The following DNAH2 variants were observed in gnomAD, a reference collection of about 807,000 sequenced individuals.
DNAH2 encodes the protein dynein axonemal heavy chain 2.
Under a neutral mutation model 523.5 loss-of-function variants are expected in DNAH2, and 323 were observed. The observed-to-expected ratio is 0.62, with a 90% CI of 0.56 to 0.68. DNAH2 has a LOEUF of 0.68. Among genes scored for constraint, DNAH2 ranks in the 30% least tolerant of loss-of-function variants. DNAH2 has a pLI of 0.00. For synonymous variants in DNAH2, 2,093 were observed against 2,177.4 expected (o/e 0.96, Z 1.08); for missense variants, 4,907 against 5,701.5 (o/e 0.86, Z 4.49).
chr17:7,829,613 G>A (rs949117243), intron 77 of DNAH2, among the ~76,000 whole-genome samples: 2 of 152,048 alleles, frequency 1.3e-5, no homozygotes, highest in South Asian at 2.1e-4. Context: ...ACCTTTGCAC[G>A]CAATTCCGTA....
intron 63 of DNAH2, among the ~76,000 whole-genome samples, chr17:7,810,049 CTTTT>C (rs1419120697): frequency 1.4e-5 from 2 of 147,310 alleles, no homozygotes; most frequent in East Asian, 2.0e-4. Flanking sequence ...TTTCTTCTTT[CTTTT>C]CTTTCTTTTT....
rs184985647 is a variant in DNAH2 at position 7,741,020 on chromosome 17, G to A, written c.1689+28G>A. 486 of 1,576,816 alleles carry A rather than the reference G, an allele frequency of 3.1e-4. No homozygotes were observed. In the Middle Eastern group the frequency reaches 3.3e-3, roughly 11 times the overall value. On this transcript the variant is annotated intron_variant, in intron 11 of 85. Coordinates refer to ENST00000572933, the MANE Select transcript of DNAH2 (RefSeq NM_020877.5). ...AAGTGCCTGGCCTTCTCCATATTCTGTCGTCAGTGAGACCGCCAGGAGGGA... is the reference window on the plus strand; with the variant it reads ...AAGTGCCTGGCCTTCTCCATATTCTATCGTCAGTGAGACCGCCAGGAGGGA...
chr17:7,824,496 C>T, intron 76 of DNAH2, 41 bp from the exon 77 acceptor site: 1 of 1,489,030 alleles, frequency 6.7e-7, no homozygotes, highest in Non-Finnish European at 9.0e-7. Context: ...ACAGGCAGGG[C>T]TTAGGAAATG....
At position 7,832,465 on chromosome 17, in the gene DNAH2, TACCACTGC is replaced by T; in HGVS notation, c.12727-111_12727-104del. 7.8e-7 allele frequency: 1 copy of T among 1,289,784 alleles called. No individual in the cohort carries two copies. The highest frequency in any genetic ancestry group is 1.1e-6 in the Non-Finnish European group (1 of 928,156). 79.9% of individuals were successfully genotyped at this position (1,289,784 alleles called of 1,614,324 possible). On this transcript the variant is annotated intron_variant, in intron 82 of 85. Coordinates refer to ENST00000572933, the MANE Select transcript of DNAH2 (RefSeq NM_020877.5). This position sits in a 1 kb window ranked among gnomAD's most constrained non-coding sequence, Gnocchi z 4.3. ...TGGAGGTTGCAGTGAGCCAAGATCGTACCACTGCACTCCAGCCTGGGGGACAAGAGCAA... is the reference window on the plus strand; with the variant it reads ...TGGAGGTTGCAGTGAGCCAAGATCGTACTCCAGCCTGGGGGACAAGAGCAA...
Position 7,778,436 on chromosome 17 carries a change from G to A in DNAH2, c.5508G>A (p.Lys1836=). The A allele has an allele frequency of 6.2e-7, 1 of 1,614,168 alleles. No individual in the cohort carries two copies. Among genetic ancestry groups the A allele is most frequent in the Admixed American group, 1.7e-5 (1 of 60,018 alleles). Residue 1836 remains lysine (K), a synonymous_variant, in exon 35 of 86, where the codon AAG becomes AAA. Transcript: ENST00000572933. ...ACTGCTCTGAGGGCCTGGACTACAAGTCCATGGGCCGAATGTACTCAGGTC... is the reference window on the plus strand; with the variant it reads ...ACTGCTCTGAGGGCCTGGACTACAAATCCATGGGCCGAATGTACTCAGGTC... ...VVNCSEGLDY[K]SMGRMYSGLA... is the part of the protein sequence containing the mutation.
At chr17:7,767,099 C>G (rs2076191592) in intron 22 of DNAH2, among the ~76,000 whole-genome samples, 1 of 150,470 alleles carries the variant, frequency 6.6e-6, no homozygotes, top group Non-Finnish European at 1.5e-5. Flanking sequence ...TCCCCCGTCC[C>G]CCGCCCCAGT....
chr17:7,822,056 G>A (rs984953555), intron 73 of DNAH2, among the ~76,000 whole-genome samples: 3 of 152,090 alleles, frequency 2.0e-5, no homozygotes, highest in Admixed American at 6.6e-5. Flanking sequence ...CTGCAGCCTC[G>A]ACCTCCCAGG....
chr17:7,736,624 T>G (rs962483008), intron 7 of DNAH2, among the ~76,000 whole-genome samples: 1 of 152,148 alleles, frequency 6.6e-6, no homozygotes, highest in Non-Finnish European at 1.5e-5. Flanking sequence ...TGATCGCTAC[T>G]GTGTAGGGCT....
In DNAH2 at chr17:7,743,002, C is replaced by T. The variant is rs1322232496; in HGVS notation, c.1764C>T (p.Val588=). ...KESVHTYQQM[V]QAIDELVRKT... ...GTGTGCACACCTATCAGCAGATGGT[C>T]CAGGCCATTGATGAGCTGGTTCGAA... The change falls in exon 12 of 86, where the codon GTC becomes GTT. Residue 588 remains valine, a synonymous_variant. Transcript: ENST00000572933. 3 of 1,521,266 alleles carry T rather than the reference C, an allele frequency of 2.0e-6. No individual in the cohort carries two copies. The East Asian group carries it at 6.8e-5, about 35-fold the overall frequency. The allele number at this position is 1,521,266 out of a possible 1,614,324, so 94.2% of individuals were successfully genotyped here. A position where few individuals can be genotyped will look rare whatever the true frequency, so the allele number is the denominator to read the frequency against.
chr17:7,770,730 G>A (rs368461294), intron 26 of DNAH2, 23 bp from the exon 27 acceptor site: 47 of 1,613,964 alleles, frequency 2.9e-5, no homozygotes, highest in Non-Finnish European at 3.9e-5. Flanking sequence ...GATGAACTAT[G>A]ATTTTGACCC....
chr17:7,776,641 G>C (rs2076460571), intron 31 of DNAH2, 138 bp from the exon 32 acceptor site: 2 of 622,366 alleles, frequency 3.2e-6, no homozygotes, highest in South Asian at 3.5e-5. Context: ...CTGACCTGAG[G>C]CCCATGTCCC....
Position 7,771,327 on chromosome 17 carries a change from C to T in DNAH2, c.4363-3C>T, listed in dbSNP as rs774101380. Reference sequence around the variant, plus strand: ...CTCTCACCCCAACTTTTGGCCCCCTCAGAATATCTTCCTAGGAGAAGACAT... The same window carrying T: ...CTCTCACCCCAACTTTTGGCCCCCTTAGAATATCTTCCTAGGAGAAGACAT... On this transcript the variant is annotated splice_region_variant and splice_polypyrimidine_tract_variant and intron_variant, in intron 27 of 85. Transcript: ENST00000572933. 1.2e-6 allele frequency: 2 copies of T among 1,614,088 alleles called. No homozygotes were observed. The highest frequency in any genetic ancestry group is 3.3e-5 in the Admixed American group (2 of 60,002).
Position 7,757,178 on chromosome 17 carries a change from A to C in DNAH2, c.1992A>C (p.Arg664=). 6.2e-7 allele frequency: 1 copy of C among 1,614,168 alleles called. No individual in the cohort carries two copies. The highest frequency in any genetic ancestry group is 8.5e-7 in the Non-Finnish European group (1 of 1,180,028). ...TPHYVVNVAE[R]AEDLRILREN... ...ATTACGTGGTGAACGTAGCTGAGCG[A>C]GCCGAGGACCTGCGCATTCTGCGTG... Residue 664 remains arginine, a synonymous_variant, in exon 13 of 86, where the codon CGA becomes CGC. Coordinates refer to ENST00000572933, the MANE Select transcript of DNAH2 (RefSeq NM_020877.5).
Position 7,816,674 on chromosome 17 carries a change from G to A in DNAH2, c.9833G>A (p.Arg3278Gln). ...KSEEMELKLERAGMLVSGLAG... is the reference protein window; with the variant it reads ...KSEEMELKLEQAGMLVSGLAG... ...GAAGAGATGGAGCTGAAGCTGGAGC[G>A]AGCTGGGATGCTCGTGTCGGGGTTG... The change falls in exon 64 of 86, where the codon CGA becomes CAA. Residue 3278 changes from arginine (R) to glutamine (Q), a missense_variant. This residue lies in a region of DNAH2 where 1,851 missense variants were observed against 2,139.4 expected (regional missense o/e 0.87). Coordinates refer to ENST00000572933, the MANE Select transcript of DNAH2 (RefSeq NM_020877.5). The A allele has an allele frequency of 1.9e-6, 3 of 1,614,240 alleles. No individual in the cohort carries two copies. Among genetic ancestry groups the A allele is most frequent in the Non-Finnish European group, 2.5e-6 (3 of 1,180,042 alleles).
Position 7,754,585 on chromosome 17 carries a change from C to T in DNAH2, c.1905-2506C>T. On this transcript the variant is annotated intron_variant, in intron 12 of 85. Transcript: ENST00000572933. This position sits in a 1 kb window ranked among gnomAD's most constrained non-coding sequence, Gnocchi z 4.6. The stretch of plus-strand genomic sequence containing the variant: ...ACCAACAATGCCAAGGCCATGAGTC[C>T]ACGTGCCGAGGCTCTCAAGGCCCTC... The T allele has an allele frequency of 6.7e-7, 1 of 1,495,690 alleles. No homozygotes were observed. Among genetic ancestry groups the T allele is most frequent in the Non-Finnish European group, 9.2e-7 (1 of 1,088,260 alleles). 92.7% of individuals were successfully genotyped at this position (1,495,690 alleles called of 1,614,324 possible). A position where few individuals can be genotyped will look rare whatever the true frequency, so the allele number is the denominator to read the frequency against.
At chr17:7,749,050 T>G (rs1378714521) in intron 12 of DNAH2, among the ~76,000 whole-genome samples, 1 of 151,338 alleles carries the variant, frequency 6.6e-6, no homozygotes, top group Non-Finnish European at 1.5e-5. Context: ...GGCTCGCATC[T>G]GTAATCCCAG....
intron 12 of DNAH2, among the ~76,000 whole-genome samples, chr17:7,753,804 T>C (rs978185038): frequency 6.6e-6 from 1 of 151,740 alleles, no homozygotes; most frequent in African/African-American, 2.4e-5. Flanking sequence ...AAAAATAAGC[T>C]GGGCATGGTG....
At chr17:7,770,188 T>C in intron 24 of DNAH2, 64 bp from the exon 25 acceptor site, 1 of 1,514,670 alleles carries the variant, frequency 6.6e-7, no homozygotes, top group Non-Finnish European at 8.8e-7. Context: ...AGTGTCCCAG[T>C]GGGAGACAGC....
At chr17:7,765,335 G>A (rs113926719) in intron 20 of DNAH2, 56 bp from the exon 21 acceptor site, 1 of 1,340,434 alleles carries the variant, frequency 7.5e-7, no homozygotes, top group African/African-American at 1.7e-5. Context: ...CATCCTCCAC[G>A]CATGAGAGGG....
Sources: gnomAD v4.1 joint callset for allele counts (sites outside exome capture counted in the v4.1 genomes callset) on GRCh38, gnomAD v4.1.1 for gene constraint, gnomAD v4.1.1 regional missense constraint, Gnocchi (gnomAD v3.1) non-coding constraint, MANE v1.5 for transcripts, NCBI Gene and HGNC (gene_info 2026-07-23, HGNC 2026-07-21) for gene names.